GRIK2: variants seen among roughly 807,000 people sequenced by gnomAD.
The protein encoded by GRIK2 is glutamate ionotropic receptor kainate type subunit 2.
A neutral mutation model predicts 100.3 loss-of-function variants in GRIK2; 32 were observed. The observed-to-expected ratio is 0.32, with a 90% confidence interval of 0.24 to 0.43. GRIK2 has a LOEUF of 0.43. Ranked by LOEUF, GRIK2 falls within the 20% of genes least tolerant of loss-of-function variation. The pLI is 1.00. For synonymous variants in GRIK2, 417 were observed against 389.4 expected, an observed-to-expected ratio of 1.07 and a Z score of -0.83; for missense variants, 843 against 1,114.9, an observed-to-expected ratio of 0.76 and a Z score of 3.47.
intron 15 of GRIK2, among the ~76,000 whole-genome samples, chr6:102,046,628 C>T (rs912486002): frequency 6.6e-6 from 1 of 152,160 alleles, no homozygotes; most frequent in East Asian, 1.9e-4. Flanking sequence ...TCAATTAAAA[C>T]TCTTTTCTTC....
chr6:101,432,189 TAATCA>T (rs1386115671), intron 2 of GRIK2, among the ~76,000 whole-genome samples: 8 of 152,142 alleles, frequency 5.3e-5, no homozygotes, highest in Non-Finnish European at 8.8e-5. Flanking sequence ...GCCTATAATT[TAATCA>T]AGTCCCTCGT....
At chr6:101,812,262 C>A (rs1781379258) in intron 9 of GRIK2, among the ~76,000 whole-genome samples, 1 of 151,688 alleles carries the variant, frequency 6.6e-6, no homozygotes, top group Non-Finnish European at 1.5e-5. Context: ...CCAAAAAAGT[C>A]TGAAAGTTTT....
At chr6:101,500,618 A>C (rs1773698577) in intron 2 of GRIK2, among the ~76,000 whole-genome samples, 1 of 152,082 alleles carries the variant, frequency 6.6e-6, no homozygotes, top group Non-Finnish European at 1.5e-5. Flanking sequence ...AAAAGCGTGA[A>C]CTTGTTTTTT....
intron 9 of GRIK2, among the ~76,000 whole-genome samples, chr6:101,811,926 A>G (rs977858311): frequency 2.0e-5 from 3 of 151,728 alleles, no homozygotes; most frequent in African/African-American, 7.2e-5. Flanking sequence ...CTAGAAAAAA[A>G]TACACAGAAA....
chr6:101,854,969 G>A (rs1469145761), intron 10 of GRIK2, among the ~76,000 whole-genome samples: 1 of 152,052 alleles, frequency 6.6e-6, no homozygotes, highest in Non-Finnish European at 1.5e-5. Context: ...TAGAACCAAA[G>A]GAAAGATTTT....
chr6:101,711,392 T>C (rs1299316504), intron 7 of GRIK2, among the ~76,000 whole-genome samples: 1 of 151,794 alleles, frequency 6.6e-6, no homozygotes, highest in Non-Finnish European at 1.5e-5. Flanking sequence ...TAATTTGAGA[T>C]ACAAAAATTC....
intron 2 of GRIK2, among the ~76,000 whole-genome samples, chr6:101,400,710 T>C (rs1055293436): frequency 6.6e-6 from 1 of 152,172 alleles, no homozygotes; most frequent in Non-Finnish European, 1.5e-5. Context: ...CCATCTCTCC[T>C]AGGCTTTGTA....
chr6:101,624,589 T>A (rs1719356772), intron 3 of GRIK2, among the ~76,000 whole-genome samples: 1 of 152,182 alleles, frequency 6.6e-6, no homozygotes, highest in Non-Finnish European at 1.5e-5. Flanking sequence ...CACGGTAGAA[T>A]AATAAACTAT....
intron 10 of GRIK2, among the ~76,000 whole-genome samples, chr6:101,822,547 C>T (rs1782024056): frequency 6.6e-6 from 1 of 152,074 alleles, no homozygotes; most frequent in South Asian, 2.1e-4. Context: ...CCTCGATCTG[C>T]TTCTCAGCTG....
At chr6:101,797,783 C>A (rs1306320405) in intron 7 of GRIK2, among the ~76,000 whole-genome samples, 1 of 144,688 alleles carries the variant, frequency 6.9e-6, no homozygotes, top group Non-Finnish European at 1.5e-5. Context: ...TTATATATTA[C>A]ATACTATATA....
chr6:102,036,230 AAC>A lies in GRIK2; in HGVS notation c.2311+694_2311+695del, dbSNP rs775417100. On this transcript the variant is annotated intron_variant, in intron 15 of 16. Coordinates refer to ENST00000369134, the MANE Select transcript of GRIK2 (RefSeq NM_021956.5). ...TATGTATATGATGGTGCCGTAAGTA[AAC>A]ACACACACACACACACACACACACA... Among the ~76,000 whole-genome samples the A allele has an allele frequency of 8.4e-3, 1,226 of 146,064 alleles. 7 individuals are homozygous for A. The highest frequency in any genetic ancestry group is 0.011 in the Non-Finnish European group (728 of 65,774).
In GRIK2 at chr6:101,475,066, A is replaced by G. The variant is rs1351916411; in HGVS notation, c.115+75674A>G. Among the ~76,000 whole-genome samples the G allele has an allele frequency of 2.6e-5, 4 of 151,956 alleles. No homozygotes were observed. In the East Asian group the frequency reaches 7.7e-4, roughly 29 times the overall value. On this transcript the variant is annotated intron_variant, in intron 2 of 16. Transcript: ENST00000369134. ...GAAGGTGTAACTCTTGTGTTGATCA[A>G]TTATAGGAGACTTCCCTTGAGGCCT...
chr6:101,789,005 C>CT (rs1231796731), intron 7 of GRIK2, among the ~76,000 whole-genome samples: 3 of 152,078 alleles, frequency 2.0e-5, no homozygotes, highest in East Asian at 1.9e-4. Context: ...GCATAAATGT[C>CT]TTTTTTTGAG....
chr6:101,520,885 G>C (rs1465080952), intron 2 of GRIK2, among the ~76,000 whole-genome samples: 1 of 151,900 alleles, frequency 6.6e-6, no homozygotes, highest in African/African-American at 2.4e-5. Context: ...TGTTTTCATG[G>C]AAAATATATT....
intron 2 of GRIK2, among the ~76,000 whole-genome samples, chr6:101,536,336 C>G (rs1466461259): frequency 6.6e-6 from 1 of 151,384 alleles, no homozygotes; most frequent in Non-Finnish European, 1.5e-5. Flanking sequence ...TAAGGCGTAT[C>G]TCTTTTTTTT....
chr6:101,444,894 C>T (rs1770283573), intron 2 of GRIK2, among the ~76,000 whole-genome samples: 2 of 152,122 alleles, frequency 1.3e-5, no homozygotes, highest in South Asian at 2.1e-4. Context: ...GGGGCCAGTC[C>T]ACCGCATCTG....
At chr6:101,520,805 A>G (rs150965372) in intron 2 of GRIK2, among the ~76,000 whole-genome samples, 7 of 152,150 alleles carry the variant, frequency 4.6e-5, no homozygotes, top group Non-Finnish European at 2.9e-5. Context: ...GGCACATGAC[A>G]TGATTGCAGT....
Position 102,034,799 on chromosome 6 carries a change from T to A in GRIK2, c.2086-542T>A, listed in dbSNP as rs535048866. Among the ~76,000 whole-genome samples, 109 of 151,556 alleles carry A rather than the reference T, an allele frequency of 7.2e-4. 1 individual carries two copies. Among genetic ancestry groups the A allele is most frequent in the African/African-American group, 2.5e-3 (104 of 41,462 alleles). ...CATCTTTATTTGTAACATCCTTATT[T>A]GTAACACATTCTGCTCGTCTCTTCA... On this transcript the variant is annotated intron_variant, in intron 14 of 16. Coordinates refer to ENST00000369134, the MANE Select transcript of GRIK2 (RefSeq NM_021956.5).
At chr6:101,914,062 G>A (rs1321287116) in intron 12 of GRIK2, among the ~76,000 whole-genome samples, 1 of 151,416 alleles carries the variant, frequency 6.6e-6, no homozygotes, top group Non-Finnish European at 1.5e-5. Context: ...AGGGAGATGT[G>A]TTGGTTTGGA....
Sources: gnomAD v4.1 joint callset for allele counts (sites outside exome capture counted in the v4.1 genomes callset) on GRCh38, gnomAD v4.1.1 for gene constraint, MANE v1.5 for transcripts, NCBI Gene and HGNC (gene_info 2026-07-23, HGNC 2026-07-21) for gene names.